Variants in SOCS7 observed in about 807,000 individuals in gnomAD.
The protein encoded by SOCS7 is NAP-4.
In SOCS7, 18 loss-of-function variants were observed where a neutral mutation model predicts 58.9. That is an observed-to-expected ratio of 0.31 (90% CI 0.21 to 0.45). SOCS7 has a LOEUF of 0.45. Ranked by LOEUF, SOCS7 falls within the 20% of genes least tolerant of loss-of-function variation. The pLI, the probability that SOCS7 is intolerant of heterozygous loss-of-function variation, is 1.00. For missense variants in SOCS7, 667 were observed against 837.3 expected, an observed-to-expected ratio of 0.80 and a Z score of 2.51; for synonymous variants, 388 against 364.3, an observed-to-expected ratio of 1.06 and a Z score of -0.74.
chr17:38,372,636 T>C (rs1655661510), intron 6 of SOCS7, among the ~76,000 whole-genome samples: 1 of 152,202 alleles, frequency 6.6e-6, no homozygotes, highest in Non-Finnish European at 1.5e-5. Context: ...ACAGTAAACC[T>C]TGAGTAATAC....
chr17:38,360,438 A>T lies in SOCS7; in HGVS notation c.981-1273A>T, dbSNP rs587612373. Among the ~76,000 whole-genome samples the T allele has an allele frequency of 2.0e-5, 3 of 151,916 alleles. No homozygotes were observed. The East Asian group carries it at 5.8e-4, about 29-fold the overall frequency. On this transcript the variant is annotated intron_variant, in intron 1 of 9. Coordinates refer to ENST00000612932, the MANE Select transcript of SOCS7 (RefSeq NM_014598.4). ...GGGCTCCTGACCTTGTGATCTGCCC[A>T]CCTTGGCCTCCCAAAGTGTTGGGAT...
At chr17:38,395,223 C>T (rs2038229679) in intron 7 of SOCS7, 86 bp from the exon 8 acceptor site, 1 of 1,421,286 alleles carries the variant, frequency 7.0e-7, no homozygotes, top group Non-Finnish European at 9.7e-7. Context: ...AGTCCCATTT[C>T]CCCTCCCTAG....
chr17:38,369,058 C>T (rs1357017909), intron 6 of SOCS7, among the ~76,000 whole-genome samples: 1 of 152,178 alleles, frequency 6.6e-6, no homozygotes, highest in African/African-American at 2.4e-5. Flanking sequence ...TAACTTGGGC[C>T]AGAAACTTGT....
chr17:38,396,652 T>C (rs1163214682), intron 9 of SOCS7, among the ~76,000 whole-genome samples: 1 of 152,230 alleles, frequency 6.6e-6, no homozygotes, highest in Non-Finnish European at 1.5e-5. Context: ...ATAAAACATC[T>C]TGCAATACTG....
chr17:38,352,413 G>C lies in SOCS7; in HGVS notation c.361G>C (p.Glu121Gln). 6.9e-7 allele frequency: 1 copy of C among 1,449,174 alleles called. No individual in the cohort carries two copies. The highest frequency in any genetic ancestry group is 1.5e-5 in the South Asian group (1 of 68,614). 89.8% of individuals were successfully genotyped at this position (1,449,174 alleles called of 1,614,324 possible). ...GACCTGGGGCCCGGCGGCTGGACTA[G>C]AGGCGCAGTTGGCGGCTCTGGGGCT... Reference protein sequence around the residue: ...ERTWGPAAGLEAQLAALGLGQ... With the variant: ...ERTWGPAAGLQAQLAALGLGQ... Residue 121 changes from glutamate (E) to glutamine (Q), a missense_variant, in exon 1 of 10, where the codon GAG becomes CAG. This residue lies in a region of SOCS7 where 154 missense variants were observed against 156.3 expected (regional missense o/e 0.98). Coordinates refer to ENST00000612932, the MANE Select transcript of SOCS7 (RefSeq NM_014598.4). The surrounding 1 kb of genome is among the most constrained non-coding windows in gnomAD (Gnocchi z 5.5).
At chr17:38,365,482 G>T in intron 4 of SOCS7, 73 bp downstream of exon 4, 1 of 946,282 alleles carries the variant, frequency 1.1e-6, no homozygotes, top group South Asian at 1.9e-5. Flanking sequence ...TAGAAGGATG[G>T]GAGAAATCTA....
chr17:38,354,495 A>G (rs1184249451), intron 1 of SOCS7, among the ~76,000 whole-genome samples: 1 of 152,212 alleles, frequency 6.6e-6, no homozygotes, highest in Non-Finnish European at 1.5e-5. Flanking sequence ...CAGCTGTGCC[A>G]TGGGCTTATC....
Position 38,371,523 on chromosome 17 carries a change from GC to G in SOCS7, c.1552+3475del, listed in dbSNP as rs2037864745. 8.4e-4 allele frequency among the ~76,000 whole-genome samples: 17 copies of G among 20,126 alleles called. No homozygotes were observed. The East Asian group carries it at 0.028, about 33-fold the overall frequency. 13.2% of individuals were successfully genotyped at this position (20,126 alleles called of 152,430 possible). On this transcript the variant is annotated intron_variant, in intron 6 of 9. Transcript: ENST00000612932. ...GACCTCAGGGGATCTGCCCACCTCA[GC>G]CTCCCAAAGTGTTGGGATTACTGGC...
rs953263963 is a variant in SOCS7, at chr17:38,404,542, A to G, written c.*5060A>G. The G allele has an allele frequency of 1.3e-5, 2 of 152,162 alleles. No homozygotes were observed. The highest frequency in any genetic ancestry group is 4.8e-5 in the African/African-American group (2 of 41,406). 9.4% of individuals were successfully genotyped at this position (152,162 alleles called of 1,614,324 possible). A position where few individuals can be genotyped will look rare whatever the true frequency, so the allele number is the denominator to read the frequency against. ...TCCTACCCCCTCCTCTGCAACACCA[A>G]GAGGCCTGGAGGGGCAGACAGAAAG... On this transcript the variant is annotated 3_prime_UTR_variant, in exon 10 of 10. Coordinates refer to ENST00000612932, the MANE Select transcript of SOCS7 (RefSeq NM_014598.4).
At chr17:38,368,580 C>A (rs1567740242) in intron 6 of SOCS7, among the ~76,000 whole-genome samples, 1 of 151,892 alleles carries the variant, frequency 6.6e-6, no homozygotes, top group African/African-American at 2.4e-5. Flanking sequence ...CAGCTCACTG[C>A]AACCTCCGCC....
intron 6 of SOCS7, among the ~76,000 whole-genome samples, chr17:38,368,532 C>T (rs902380921): frequency 6.7e-6 from 1 of 149,934 alleles, no homozygotes; most frequent in East Asian, 2.0e-4. Flanking sequence ...GACAGAGTCT[C>T]GCTCTGTTGC....
Position 38,352,457 on chromosome 17 carries a change from G to A in SOCS7, c.405G>A (p.Pro135=), listed in dbSNP as rs1168237272. The A allele has an allele frequency of 6.1e-6, 9 of 1,468,726 alleles. No individual in the cohort carries two copies. The Admixed American group carries it at 1.9e-4, about 30-fold the overall frequency. The allele number at this position is 1,468,726 out of a possible 1,614,324, so 91.0% of individuals were successfully genotyped here. ...AALGLGQPAG[P]GVKTVGGGCC... is the part of the protein sequence containing the mutation. The stretch of plus-strand genomic sequence containing the variant: ...TGGGGCTCGGGCAGCCGGCGGGGCC[G>A]GGGGTCAAGACAGTCGGTGGGGGTT... Residue 135 remains proline, a synonymous_variant, in exon 1 of 10, where the codon CCG becomes CCA. Transcript: ENST00000612932. The surrounding 1 kb of genome is among the most constrained non-coding windows in gnomAD (Gnocchi z 5.5).
intron 6 of SOCS7, among the ~76,000 whole-genome samples, chr17:38,377,157 A>G (rs2037942389): frequency 6.6e-6 from 1 of 152,262 alleles, no homozygotes; most frequent in Non-Finnish European, 1.5e-5. Context: ...ATACATAATA[A>G]GTACATCTAT....
intron 1 of SOCS7, among the ~76,000 whole-genome samples, chr17:38,361,319 T>A (rs1363011376): frequency 6.6e-6 from 1 of 152,270 alleles, no homozygotes; most frequent in Admixed American, 6.5e-5. Flanking sequence ...AGAGGGAAAC[T>A]TTGCTCTGAG....
intron 1 of SOCS7, among the ~76,000 whole-genome samples, chr17:38,357,555 T>C (rs972965082): frequency 1.3e-5 from 2 of 152,210 alleles, no homozygotes; most frequent in African/African-American, 4.8e-5. Context: ...GGTTCTTTAG[T>C]TGGTTTATGA....
chr17:38,395,129 G>A (rs747118152), intron 7 of SOCS7, among the ~76,000 whole-genome samples, 180 bp from the exon 8 acceptor site: 6 of 152,174 alleles, frequency 3.9e-5, no homozygotes, highest in Non-Finnish European at 7.4e-5. Flanking sequence ...AATTGTGAAT[G>A]TGGTGGTGGT....
At chr17:38,362,975 C>T (rs2037739835) in intron 2 of SOCS7, among the ~76,000 whole-genome samples, 1 of 152,036 alleles carries the variant, frequency 6.6e-6, no homozygotes, top group African/African-American at 2.4e-5. Context: ...TTAGCTGGGG[C>T]ATGGTGCCGC....
In SOCS7 at chr17:38,362,379, C is replaced by T. The variant is rs587643736; in HGVS notation, c.1045+604C>T. ...TTTGGATGATGGGTAACTGCCTTCT[C>T]GTTTCGTAGGGAGCTTTTTCAGAGA... On this transcript the variant is annotated intron_variant, in intron 2 of 9. Coordinates refer to ENST00000612932, the MANE Select transcript of SOCS7 (RefSeq NM_014598.4). Among the ~76,000 whole-genome samples, 273 of 152,268 alleles carry T rather than the reference C, an allele frequency of 1.8e-3. 1 individual carries two copies. The highest frequency in any genetic ancestry group is 6.8e-3 in the Middle Eastern group (2 of 294).
At chr17:38,361,623 G>T in intron 1 of SOCS7, 88 bp from the exon 2 acceptor site, 1 of 979,970 alleles carries the variant, frequency 1.0e-6, no homozygotes. Flanking sequence ...TTATTTCTCA[G>T]TGCATCTGGA....
Sources: allele counts gnomAD v4.1 joint callset (sites outside exome capture counted in the v4.1 genomes callset), GRCh38; gene constraint gnomAD v4.1.1; regional missense constraint gnomAD v4.1.1; non-coding constraint Gnocchi (gnomAD v3.1); transcripts MANE v1.5; gene names NCBI Gene and HGNC (gene_info 2026-07-23, HGNC 2026-07-21).